NR3C2: variants seen among roughly 807,000 people sequenced by gnomAD.
The protein encoded by NR3C2 is mineralocorticoid receptor.
NR3C2 carries 15 observed loss-of-function variants against 86.4 expected under a neutral mutation model. That is an observed-to-expected ratio of 0.17 (90% CI 0.12 to 0.27). The LOEUF (loss-of-function observed/expected upper bound fraction) is 0.27, where lower values mean the gene tolerates loss of function less well. NR3C2 is among the 10% of genes least tolerant of loss of function. The pLI, the probability that NR3C2 is intolerant of heterozygous loss-of-function variation, is 1.00. For synonymous variants in NR3C2, 458 were observed against 450.5 expected, an observed-to-expected ratio of 1.02 and a Z score of -0.21; for missense variants, 960 against 1,195.6, an observed-to-expected ratio of 0.80 and a Z score of 2.91.
rs770263165 is a variant in NR3C2, at chr4:148,229,033, T to C, written c.1897+30945A>G. On this transcript the variant is annotated intron_variant, in intron 3 of 8. Coordinates refer to ENST00000358102, the MANE Select transcript of NR3C2 (RefSeq NM_000901.5). ...TAGAAAGATTCTTGCCCAGGTCCCA[T>C]GAAGAAGGCAACTGAGCAAAGACAC... is the stretch of plus-strand genomic sequence containing the variant. Among the ~76,000 whole-genome samples, 5 of 152,120 alleles carry C rather than the reference T, an allele frequency of 3.3e-5. No individual in the cohort carries two copies. The East Asian group carries it at 9.7e-4, about 29-fold the overall frequency.
intron 2 of NR3C2, among the ~76,000 whole-genome samples, chr4:148,348,799 C>T (rs570581491): frequency 3.3e-5 from 5 of 152,196 alleles, no homozygotes; most frequent in African/African-American, 1.2e-4. Flanking sequence ...TAATTTGCTC[C>T]TTCTAATATA....
chr4:148,282,836 G>C (rs762016431), intron 2 of NR3C2, among the ~76,000 whole-genome samples: 9 of 152,188 alleles, frequency 5.9e-5, no homozygotes, highest in Non-Finnish European at 8.8e-5. Flanking sequence ...GGATATAAGA[G>C]AGGGACATAA....
At chr4:148,249,923 T>C (rs72728433) in intron 3 of NR3C2, among the ~76,000 whole-genome samples, 2,550 of 152,180 alleles carry the variant, frequency 0.017, 39 homozygotes, top group Admixed American at 0.031. Context: ...TTGATGTGGA[T>C]TTGGTTTATG....
At chr4:148,143,653 C>T (rs1232908399) in intron 6 of NR3C2, among the ~76,000 whole-genome samples, 1 of 152,066 alleles carries the variant, frequency 6.6e-6, no homozygotes, top group Admixed American at 6.5e-5. Flanking sequence ...CAAAACAAAA[C>T]AAAAACAACA....
At chr4:148,139,505 A>G (rs1420430005) in intron 6 of NR3C2, among the ~76,000 whole-genome samples, 1 of 152,184 alleles carries the variant, frequency 6.6e-6, no homozygotes, top group Non-Finnish European at 1.5e-5. Flanking sequence ...AGACTGACAT[A>G]CAGCTGCAGT....
chr4:148,306,958 A>G (rs1742658003), intron 2 of NR3C2, among the ~76,000 whole-genome samples: 2 of 152,218 alleles, frequency 1.3e-5, no homozygotes, highest in Admixed American at 6.5e-5. Flanking sequence ...AGCTTTATAA[A>G]TAACACTTAA....
chr4:148,350,868 T>C (rs189421544), intron 2 of NR3C2, among the ~76,000 whole-genome samples: 5 of 152,248 alleles, frequency 3.3e-5, no homozygotes. Context: ...AAAATATCCT[T>C]CTATTATTCT....
intron 2 of NR3C2, among the ~76,000 whole-genome samples, chr4:148,399,756 G>T (rs1430355251): frequency 6.6e-6 from 1 of 151,288 alleles, no homozygotes; most frequent in African/African-American, 2.4e-5. Flanking sequence ...AATATTTTAG[G>T]CATCCTTCCA....
In NR3C2 at chr4:148,410,958, G is replaced by A. The variant is rs114873398; in HGVS notation, c.1757+24146C>T. ...AGACATAAGCCAAACTAAACCTTAC[G>A]AGGAAACCTTAGATAATCTTCAGTA... On this transcript the variant is annotated intron_variant, in intron 2 of 8. Coordinates refer to ENST00000358102, the MANE Select transcript of NR3C2 (RefSeq NM_000901.5). Among the ~76,000 whole-genome samples the A allele has an allele frequency of 2.3e-3, 344 of 152,234 alleles. 1 individual carries two copies. Among genetic ancestry groups the A allele is most frequent in the African/African-American group, 7.8e-3 (326 of 41,548 alleles).
At chr4:148,107,023 G>A (rs540883747) in intron 8 of NR3C2, among the ~76,000 whole-genome samples, 4 of 152,208 alleles carry the variant, frequency 2.6e-5, no homozygotes, top group East Asian at 1.9e-4. Flanking sequence ...ATTTAATCAC[G>A]CTAAAGAGCT....
intron 2 of NR3C2, among the ~76,000 whole-genome samples, chr4:148,379,997 T>C (rs900691839): frequency 3.9e-5 from 6 of 152,288 alleles, no homozygotes; most frequent in Middle Eastern, 3.4e-3. Context: ...TAAGGGAAAA[T>C]TAGGTATATT....
intron 6 of NR3C2, among the ~76,000 whole-genome samples, chr4:148,129,521 A>C (rs1366782142): frequency 6.6e-6 from 1 of 152,224 alleles, no homozygotes; most frequent in Non-Finnish European, 1.5e-5. Context: ...TTTTTTTATC[A>C]CAACTAAAAT....
At chr4:148,152,702 A>G in intron 5 of NR3C2, 89 bp from the exon 6 acceptor site, 1 of 1,298,786 alleles carries the variant, frequency 7.7e-7, no homozygotes, top group South Asian at 1.2e-5. Context: ...CCAAACAGCC[A>G]CCTTTCTTTC....
chr4:148,430,533 G>A (rs923794822), intron 2 of NR3C2, among the ~76,000 whole-genome samples: 1 of 151,972 alleles, frequency 6.6e-6, no homozygotes, highest in African/African-American at 2.4e-5. Context: ...TATTTACCTG[G>A]TGAAATTCTA....
chr4:148,385,813 G>A (rs1747237213), intron 2 of NR3C2, among the ~76,000 whole-genome samples: 2 of 152,078 alleles, frequency 1.3e-5, no homozygotes, highest in African/African-American at 2.4e-5. Context: ...CAACCTCGAA[G>A]GTTGACCAAA....
intron 6 of NR3C2, among the ~76,000 whole-genome samples, chr4:148,120,563 T>C (rs188500831): frequency 1.3e-5 from 2 of 152,364 alleles, no homozygotes; most frequent in East Asian, 3.9e-4. Flanking sequence ...GATTTCATTT[T>C]ATGTCAAGAG....
intron 2 of NR3C2, among the ~76,000 whole-genome samples, chr4:148,324,777 T>A (rs1743866870): frequency 6.6e-6 from 1 of 152,170 alleles, no homozygotes; most frequent in Non-Finnish European, 1.5e-5. Context: ...ATATTTCATA[T>A]CTTAAATATG....
At chr4:148,097,367 CT>C (rs1207518568) in intron 8 of NR3C2, among the ~76,000 whole-genome samples, 3 of 152,184 alleles carry the variant, frequency 2.0e-5, no homozygotes, top group Non-Finnish European at 2.9e-5. Flanking sequence ...CACCTGAACA[CT>C]GATTTAACGA....
At chr4:148,102,199 G>A (rs887693187) in intron 8 of NR3C2, among the ~76,000 whole-genome samples, 1 of 152,034 alleles carries the variant, frequency 6.6e-6, no homozygotes, top group African/African-American at 2.4e-5. Flanking sequence ...CTCCCCATTT[G>A]ACCACAGTGT....
Sources: gnomAD v4.1 joint callset for allele counts (sites outside exome capture counted in the v4.1 genomes callset) on GRCh38, gnomAD v4.1.1 for gene constraint, MANE v1.5 for transcripts, NCBI Gene and HGNC (gene_info 2026-07-23, HGNC 2026-07-21) for gene names.